Variants in DAB1 observed in about 807,000 individuals in gnomAD.
DAB1 encodes DAB adaptor protein 1.
Under a neutral mutation model 64.6 loss-of-function variants are expected in DAB1, and 15 were observed. That is an observed-to-expected ratio of 0.23 (90% CI 0.16 to 0.36). The LOEUF is 0.36. Ranked by LOEUF, DAB1 falls within the 10% of genes least tolerant of loss-of-function variation. DAB1 has a pLI of 1.00. For synonymous variants in DAB1, 235 were observed against 251.9 expected (o/e 0.93, Z 0.64); for missense variants, 596 against 706.7 (o/e 0.84, Z 1.78).
At chr1:58,392,101 C>G (rs576037788) in intron 3 of DAB1, among the ~76,000 whole-genome samples, 25 of 152,274 alleles carry the variant, frequency 1.6e-4, no homozygotes, top group African/African-American at 6.0e-4. Context: ...GCTGCTGCAT[C>G]AGATTATGGT....
chr1:57,426,874 A>ATATATATATATTT (rs57970737), upstream of DAB1, among the ~76,000 whole-genome samples: 3 of 149,184 alleles, frequency 2.0e-5, no homozygotes, highest in African/African-American at 7.4e-5. Context: ...ATATATATAT[A>ATATATATATATTT]TTTTTTTGAG....
At chr1:57,832,179 A>G (rs1204683732) in intron 1 of DAB1, among the ~76,000 whole-genome samples, 1 of 152,230 alleles carries the variant, frequency 6.6e-6, no homozygotes, top group Non-Finnish European at 1.5e-5. Flanking sequence ...CACAGAAAGC[A>G]TCTTTGAGAA....
chr1:57,498,973 G>GTGTTT (rs997567530), intron 7 of DAB1, among the ~76,000 whole-genome samples: 3 of 151,980 alleles, frequency 2.0e-5, no homozygotes, highest in African/African-American at 7.3e-5. Context: ...GGTTTATATG[G>GTGTTT]TGTTTTGTTT....
chr1:57,559,510 C>T lies in DAB1; in HGVS notation n.625+90082G>A, dbSNP rs368326125. ...GGGAAAAGGAGACGATCAGACATTT[C>T]GGGGACTATTGGACACCGGCTCTTA... On this transcript the variant is annotated intron_variant and non_coding_transcript_variant, in intron 7 of 20. Transcript: ENST00000485760. Among the ~76,000 whole-genome samples, 172 of 152,266 alleles carry T rather than the reference C, an allele frequency of 1.1e-3. 4 individuals carry two copies. The South Asian group carries it at 0.033, about 30-fold the overall frequency.
At position 57,409,161 on chromosome 1, in the gene DAB1, T is replaced by C. The variant is rs115370164; in HGVS notation, c.-137+14769A>G. Among the ~76,000 whole-genome samples, 1,514 of 152,250 alleles carry C rather than the reference T, an allele frequency of 9.9e-3. 36 individuals are homozygous for C. The highest frequency in any genetic ancestry group is 0.034 in the African/African-American group (1,433 of 41,544). On this transcript the variant is annotated intron_variant, in intron 1 of 14. Transcript: ENST00000371236. ...TCCTCCAAAGGTTCCACCTGCCTCC[T>C]GGGGGCTGCACCTCCTGGGGTCTAT...
At chr1:57,869,386 A>G (rs1654438717) in intron 1 of DAB1, among the ~76,000 whole-genome samples, 1 of 151,974 alleles carries the variant, frequency 6.6e-6, no homozygotes, top group Admixed American at 6.6e-5. Flanking sequence ...TTCAAGGTCA[A>G]TGCCTGATAA....
intron 3 of DAB1, among the ~76,000 whole-genome samples, chr1:58,477,737 C>G (rs1645433057): frequency 6.6e-6 from 1 of 152,054 alleles, no homozygotes; most frequent in Non-Finnish European, 1.5e-5. Context: ...AAAAAAGAGC[C>G]CTTGCTCTGA....
At chr1:57,776,395 A>C (rs1275302757) in intron 6 of DAB1, among the ~76,000 whole-genome samples, 1 of 151,798 alleles carries the variant, frequency 6.6e-6, no homozygotes, top group Non-Finnish European at 1.5e-5. Flanking sequence ...TTTTGCTTTT[A>C]ATCATCTCTG....
At chr1:57,692,314 AAACT>A (rs1358819487) in intron 6 of DAB1, among the ~76,000 whole-genome samples, 1 of 152,082 alleles carries the variant, frequency 6.6e-6, no homozygotes, top group African/African-American at 2.4e-5. Context: ...TTTCTAGTAT[AAACT>A]AAGAAGAGGG....
chr1:57,097,567 C>G (rs1283504372), intron 4 of DAB1, among the ~76,000 whole-genome samples: 1 of 152,110 alleles, frequency 6.6e-6, no homozygotes, highest in Admixed American at 6.5e-5. Flanking sequence ...ACACAGGCAG[C>G]AAATGTCTCT....
chr1:57,833,193 C>G (rs933013089), intron 1 of DAB1, among the ~76,000 whole-genome samples: 1 of 152,024 alleles, frequency 6.6e-6, no homozygotes, highest in Non-Finnish European at 1.5e-5. Context: ...GTGAATCCTA[C>G]TATTTTTCTT....
chr1:57,097,095 A>G (rs1005187335), intron 4 of DAB1, among the ~76,000 whole-genome samples: 7 of 152,212 alleles, frequency 4.6e-5, no homozygotes, highest in African/African-American at 1.7e-4. Flanking sequence ...TGCTAAACAA[A>G]TATTTGTTGA....
chr1:58,075,745 C>T (rs927953048), intron 5 of DAB1, among the ~76,000 whole-genome samples: 1 of 152,184 alleles, frequency 6.6e-6, no homozygotes, highest in Non-Finnish European at 1.5e-5. Context: ...AGCTGTCCGA[C>T]TCTCTCTCCC....
intron 5 of DAB1, among the ~76,000 whole-genome samples, chr1:58,131,684 C>A (rs919039194): frequency 1.4e-5 from 2 of 142,824 alleles, no homozygotes; most frequent in Non-Finnish European, 3.0e-5. Flanking sequence ...ACAGAGAGGA[C>A]CCTCAGCTGC....
intron 3 of DAB1, among the ~76,000 whole-genome samples, chr1:58,427,321 CTT>C (rs766756658): frequency 7.2e-5 from 11 of 151,994 alleles, no homozygotes; most frequent in Non-Finnish European, 1.0e-4. Context: ...ATACTAAGGA[CTT>C]TTATTTTTTC....
At chr1:57,203,348 C>G (rs141691487) in intron 2 of DAB1, among the ~76,000 whole-genome samples, 1 of 152,282 alleles carries the variant, frequency 6.6e-6, no homozygotes, top group African/African-American at 2.4e-5. Flanking sequence ...TTTCTTCCTA[C>G]CGAACCATAA....
chr1:57,254,030 T>C (rs1449159733), intron 2 of DAB1, among the ~76,000 whole-genome samples: 2 of 152,228 alleles, frequency 1.3e-5, no homozygotes, highest in Non-Finnish European at 2.9e-5. Flanking sequence ...CAGCCTGGAA[T>C]TAATTTAGAG....
chr1:58,409,253 G>A (rs559875105), intron 3 of DAB1, among the ~76,000 whole-genome samples: 1 of 152,204 alleles, frequency 6.6e-6, no homozygotes, highest in South Asian at 2.1e-4. Context: ...CCATTCCAAG[G>A]AGGCATTTAC....
rs538451584 is a variant in DAB1, at chr1:57,074,786, G to C, written c.307-2372C>G. The stretch of plus-strand genomic sequence containing the variant: ...AATAAAACGAATGTATAAGTCTAAT[G>C]GTTTTTGACACAAATAAGTTGGCAG... On this transcript the variant is annotated intron_variant, in intron 4 of 14. Coordinates refer to ENST00000371236, the MANE Select transcript of DAB1 (RefSeq NM_001365792.1). 1.3e-3 allele frequency among the ~76,000 whole-genome samples: 194 copies of C among 152,190 alleles called. 1 individual carries two copies. Among genetic ancestry groups the C allele is most frequent in the African/African-American group, 4.6e-3 (189 of 41,512 alleles).
Sources: allele counts gnomAD v4.1 joint callset (sites outside exome capture counted in the v4.1 genomes callset), GRCh38; gene constraint gnomAD v4.1.1; transcripts MANE v1.5; gene names NCBI Gene and HGNC (gene_info 2026-07-23, HGNC 2026-07-21).